Variants in DNHD1 observed in about 807,000 individuals in gnomAD.
The protein encoded by DNHD1 is dynein heavy chain domain 1.
DNHD1 carries 383 observed loss-of-function variants against 458.1 expected under a neutral mutation model. That is an observed-to-expected ratio of 0.84 (90% CI 0.77 to 0.91). DNHD1 has a LOEUF of 0.91. Ranked by LOEUF, DNHD1 falls within the 40% of genes least tolerant of loss-of-function variation. DNHD1 has a pLI of 0.00. For synonymous variants in DNHD1, 2,203 were observed against 2,376.9 expected (o/e 0.93, Z 2.13); for missense variants, 5,336 against 5,866.1 (o/e 0.91, Z 2.95).
Position 6,571,977 on chromosome 11 carries a change from C to T in DNHD1, c.14253C>T (p.Pro4751=). ...GGAGGGTCCATGTGTGCAGCCCACC[C>T]CTGTCTTGAGCCCGTCTACCAAAAT... is the stretch of plus-strand genomic sequence containing the variant. ...VQRRVHVCSP[P]LS The change falls in exon 43 of 43, where the codon CCC becomes CCT. Residue 4751 remains proline, a synonymous_variant. Transcript: ENST00000254579. The surrounding 1 kb of genome is among the most constrained non-coding windows in gnomAD (Gnocchi z 5.0). 1 of 1,603,084 alleles carries T rather than the reference C, an allele frequency of 6.2e-7. No homozygotes were observed. Among genetic ancestry groups the T allele is most frequent in the Non-Finnish European group, 8.5e-7 (1 of 1,172,052 alleles).
intron 14 of DNHD1, among the ~76,000 whole-genome samples, chr11:6,535,798 T>C (rs1852935604): frequency 6.6e-6 from 1 of 152,110 alleles, no homozygotes; most frequent in Admixed American, 6.5e-5. Context: ...ATCATGGTAA[T>C]TACCAGATCA....
At chr11:6,555,141 C>A (rs1163484498) in intron 24 of DNHD1, among the ~76,000 whole-genome samples, 2 of 152,086 alleles carry the variant, frequency 1.3e-5, no homozygotes, top group East Asian at 3.9e-4. Context: ...GACCCACACC[C>A]TATTCCCTTA....
intron 16 of DNHD1, 115 bp downstream of exon 16, chr11:6,538,925 C>T: frequency 1.8e-6 from 2 of 1,117,324 alleles, no homozygotes; most frequent in Non-Finnish European, 2.5e-6. Context: ...CCAAGTTTCT[C>T]CCTACCTTTC....
rs773012355 is a variant in DNHD1, at chr11:6,505,051, G to A, written c.920+2125G>A. On this transcript the variant is annotated intron_variant, in intron 4 of 42. Transcript: ENST00000254579. This position sits in a 1 kb window ranked among gnomAD's most constrained non-coding sequence, Gnocchi z 4.4. ...TCACTTTGTTGCTCAAGCTGGTCTC[G>A]AACTCCTGGGCTCAAGCTATCCTCC... is the stretch of plus-strand genomic sequence containing the variant. 2.0e-5 allele frequency among the ~76,000 whole-genome samples: 3 copies of A among 151,664 alleles called. No homozygotes were observed. The highest frequency in any genetic ancestry group is 2.9e-5 in the Non-Finnish European group (2 of 67,938).
intron 24 of DNHD1, among the ~76,000 whole-genome samples, chr11:6,554,479 A>C (rs556558435): frequency 1.7e-3 from 265 of 152,290 alleles, no homozygotes; most frequent in Middle Eastern, 3.4e-3. Flanking sequence ...TTCAAAAGAC[A>C]CTGTTACGAA....
At chr11:6,525,461 G>A (rs1047245707) in intron 10 of DNHD1, among the ~76,000 whole-genome samples, 3 of 152,164 alleles carry the variant, frequency 2.0e-5, no homozygotes, top group Admixed American at 1.3e-4. Flanking sequence ...TGGCAAGCAA[G>A]ATAATCACCA....
At chr11:6,553,172 G>C (rs1246393938) in intron 24 of DNHD1, among the ~76,000 whole-genome samples, 2 of 152,050 alleles carry the variant, frequency 1.3e-5, no homozygotes, top group African/African-American at 4.8e-5. Context: ...AAGACCAAAC[G>C]GAGTCTATCC....
chr11:6,498,772 G>A lies in DNHD1; in HGVS notation c.557G>A (p.Arg186Gln), dbSNP rs139896912. The change falls in exon 3 of 43, where the codon CGA becomes CAA. Residue 186 changes from arginine to glutamine, a missense_variant. By Grantham distance (43) the Arg-to-Gln change is conservative. Around this residue, in one of 4 missense-constraint regions of DNHD1, gnomAD observed 3,932 missense variants for 4,365.6 expected, o/e 0.90. Coordinates refer to ENST00000254579, the MANE Select transcript of DNHD1 (RefSeq NM_144666.3). The stretch of plus-strand genomic sequence containing the variant: ...AAGGAGGAGCTGGCCACCTGGCTGC[G>A]ACCATTGACACTGCCTGAGCTACAG... ...QVKEELATWLRPLTLPELQRC... is the reference protein window; with the variant it reads ...QVKEELATWLQPLTLPELQRC... 149 of 1,614,188 alleles carry A rather than the reference G, an allele frequency of 9.2e-5. 1 individual carries two copies. The highest frequency in any genetic ancestry group is 8.1e-4 in the South Asian group (74 of 91,084).
chr11:6,538,278 T>G, intron 14 of DNHD1, 105 bp from the exon 15 acceptor site: 1 of 983,048 alleles, frequency 1.0e-6, no homozygotes. Context: ...AACCATCACT[T>G]TCTGGACCCT....
At chr11:6,517,733 C>G (rs1283919957) in intron 7 of DNHD1, among the ~76,000 whole-genome samples, 1 of 133,880 alleles carries the variant, frequency 7.5e-6, no homozygotes, top group Non-Finnish European at 1.6e-5. Context: ...ATGATCTAAT[C>G]ACCTCCCCAA....
rs1389896611 is a variant in DNHD1 at position 6,546,930 on chromosome 11, C to T, written c.5991C>T (p.Gly1997=). ...GILLLGPAGS[G]KTTCWHSLFK... is the part of the protein sequence containing the mutation. ...TGCTCCTGGGCCCTGCGGGCAGCGG[C>T]AAGACCACTTGTTGGCACAGCTTAT... is the stretch of plus-strand genomic sequence containing the variant. The change falls in exon 21 of 43, where the codon GGC becomes GGT. Residue 1997 remains glycine, a synonymous_variant. Coordinates refer to ENST00000254579, the MANE Select transcript of DNHD1 (RefSeq NM_144666.3). 6.4e-7 allele frequency: 1 copy of T among 1,551,556 alleles called. No individual in the cohort carries two copies. Among genetic ancestry groups the T allele is most frequent in the South Asian group, 1.2e-5 (1 of 84,056 alleles).
intron 10 of DNHD1, among the ~76,000 whole-genome samples, chr11:6,525,233 A>T (rs557052043): frequency 6.6e-6 from 1 of 152,288 alleles, no homozygotes; most frequent in South Asian, 2.1e-4. Flanking sequence ...TCTTTTCCGG[A>T]AACTCCCCAT....
At chr11:6,538,349 G>A in intron 14 of DNHD1, 34 bp from the exon 15 acceptor site, 2 of 1,550,770 alleles carry the variant, frequency 1.3e-6, no homozygotes, top group South Asian at 1.2e-5. Context: ...AACACTGCAA[G>A]TAGCCCAGGT....
At chr11:6,570,148 C>G (rs1296580951) in intron 40 of DNHD1, 48 bp downstream of exon 40, 1 of 1,612,594 alleles carries the variant, frequency 6.2e-7, no homozygotes, top group Non-Finnish European at 8.5e-7. Flanking sequence ...CCAGGAGAGC[C>G]TGGAAGAGGG....
At chr11:6,517,006 C>T (rs1476640949) in intron 7 of DNHD1, among the ~76,000 whole-genome samples, 1 of 152,134 alleles carries the variant, frequency 6.6e-6, no homozygotes, top group African/African-American at 2.4e-5. Context: ...GGGTGGCTTA[C>T]AAACAACAAA....
At chr11:6,521,801 C>T (rs994968764) in intron 10 of DNHD1, among the ~76,000 whole-genome samples, 1 of 152,206 alleles carries the variant, frequency 6.6e-6, no homozygotes, top group Non-Finnish European at 1.5e-5. Context: ...AGTGCAGCCT[C>T]AACCTCCTGG....
intron 7 of DNHD1, among the ~76,000 whole-genome samples, chr11:6,518,318 TTC>T (rs1343844713): frequency 6.6e-6 from 1 of 152,220 alleles, no homozygotes; most frequent in African/African-American, 2.4e-5. Flanking sequence ...CTCCTTGGTC[TTC>T]CAAAGTGCTG....
rs758680893 is a variant in DNHD1 at position 6,566,666 on chromosome 11, G to T, written c.11286G>T (p.Leu3762=). 6 of 1,613,562 alleles carry T rather than the reference G, an allele frequency of 3.7e-6. No homozygotes were observed. The African/African-American group carries it at 4.0e-5, about 11-fold the overall frequency. The change falls in exon 35 of 43, where the codon CTG becomes CTT. Residue 3762 remains leucine, a synonymous_variant. Coordinates refer to ENST00000254579, the MANE Select transcript of DNHD1 (RefSeq NM_144666.3). ...LNMEILEEQM[L]HEILCREYPE... ...TGGAAATACTGGAAGAACAGATGCT[G>T]CATGAAATCTTGTGCAGAGAGTATC...
In DNHD1 at chr11:6,528,776, G is replaced by A. The variant is rs1318546539; in HGVS notation, c.2092G>A (p.Val698Met). ...KIQQALNIQQ[V>M]LLEGVLCKVQ... ...CCAGCAGGCACTGAATATACAACAG[G>A]TGCTGCTGGAGGTGAGAACAGTGGT... Residue 698 changes from valine to methionine, a missense_variant, in exon 11 of 43, where the codon GTG becomes ATG. This residue lies in a region of DNHD1 where 3,932 missense variants were observed against 4,365.6 expected (regional missense o/e 0.90). Transcript: ENST00000254579. The A allele has an allele frequency of 1.3e-6, 2 of 1,551,590 alleles. No homozygotes were observed. Among genetic ancestry groups the A allele is most frequent in the African/African-American group, 2.7e-5 (2 of 73,192 alleles).
Sources: allele counts gnomAD v4.1 joint callset (sites outside exome capture counted in the v4.1 genomes callset), GRCh38; gene constraint gnomAD v4.1.1; regional missense constraint gnomAD v4.1.1; non-coding constraint Gnocchi (gnomAD v3.1); transcripts MANE v1.5; gene names NCBI Gene and HGNC (gene_info 2026-07-23, HGNC 2026-07-21).